Variants in PPP2CB observed in about 807,000 individuals in gnomAD.
PPP2CB encodes protein phosphatase 2 catalytic subunit beta.
Under a neutral mutation model 39.1 loss-of-function variants are expected in PPP2CB, and 18 were observed. The observed-to-expected ratio is 0.46, with a 90% confidence interval of 0.32 to 0.68. The LOEUF is 0.68. PPP2CB is among the 30% of genes least tolerant of loss of function. The probability of loss-of-function intolerance (pLI) is 0.04; values close to 1 mark genes in which losing one functional copy is unlikely to be tolerated. For missense variants in PPP2CB, 226 were observed against 396.9 expected (o/e 0.57, Z 3.66); for synonymous variants, 129 against 133.8 (o/e 0.96, Z 0.25).
At chr8:30,810,653 T>C (rs531210010) in intron 1 of PPP2CB, among the ~76,000 whole-genome samples, 7 of 152,326 alleles carry the variant, frequency 4.6e-5, no homozygotes, top group African/African-American at 1.2e-4. Context: ...AATTACAGGT[T>C]ATCACAATAA....
chr8:30,800,082 T>G (rs1402345404), intron 1 of PPP2CB, among the ~76,000 whole-genome samples: 1 of 152,128 alleles, frequency 6.6e-6, no homozygotes, highest in African/African-American at 2.4e-5. Context: ...AGGTATATAC[T>G]CAAGAGAAAT....
chr8:30,786,726 CG>C (rs1806348435), intron 6 of PPP2CB, among the ~76,000 whole-genome samples: 1 of 147,828 alleles, frequency 6.8e-6, no homozygotes, highest in South Asian at 2.1e-4. Context: ...TGCACTGGCA[CG>C]ATCTCGGCTT....
At chr8:30,802,706 T>C (rs1806647391) in intron 1 of PPP2CB, among the ~76,000 whole-genome samples, 1 of 152,188 alleles carries the variant, frequency 6.6e-6, no homozygotes, top group African/African-American at 2.4e-5. Context: ...AAACCTGGCT[T>C]CTTAAACTTC....
intron 1 of PPP2CB, among the ~76,000 whole-genome samples, chr8:30,808,289 G>T (rs1320500005): frequency 6.6e-6 from 1 of 152,038 alleles, no homozygotes; most frequent in Non-Finnish European, 1.5e-5. Context: ...AGTAGAGATA[G>T]GGTTTTACCA....
chr8:30,810,356 CAGG>C (rs1048574440), intron 1 of PPP2CB: 4 of 152,282 alleles, frequency 2.6e-5, no homozygotes, highest in Non-Finnish European at 5.9e-5. Flanking sequence ...GAGGCTGAGG[CAGG>C]AGGATCCCTC....
At chr8:30,800,925 A>G (rs1032226051) in intron 1 of PPP2CB, among the ~76,000 whole-genome samples, 1 of 152,190 alleles carries the variant, frequency 6.6e-6, no homozygotes, top group Admixed American at 6.5e-5. Context: ...AACACAGGGC[A>G]GCCTGGCGCG....
chr8:30,798,494 T>C (rs904279449), intron 2 of PPP2CB, among the ~76,000 whole-genome samples: 1 of 152,230 alleles, frequency 6.6e-6, no homozygotes, highest in Non-Finnish European at 1.5e-5. Context: ...CTGGGCAGCA[T>C]TTTTGTTAAC....
At chr8:30,811,139 CAATG>C in intron 1 of PPP2CB, among the ~76,000 whole-genome samples, 1 of 152,210 alleles carries the variant, frequency 6.6e-6, no homozygotes, top group East Asian at 1.9e-4. Flanking sequence ...GTTAAGAAAA[CAATG>C]GATACAGAAT....
chr8:30,789,699 C>A lies in PPP2CB; in HGVS notation c.857+1498G>T, dbSNP rs916542262. ...TCAGAGTAACTGAATGTCGTTCAGT[C>A]AATGATGAGAGGTTGTGTTTAAGCC... is the stretch of plus-strand genomic sequence containing the variant. On this transcript the variant is annotated intron_variant, in intron 6 of 6. Transcript: ENST00000221138. Among the ~76,000 whole-genome samples the A allele has an allele frequency of 2.0e-5, 3 of 151,542 alleles. No individual in the cohort carries two copies. In the South Asian group the frequency reaches 6.2e-4, roughly 31 times the overall value.
intron 1 of PPP2CB, among the ~76,000 whole-genome samples, chr8:30,802,851 C>T (rs1744409052): frequency 6.6e-6 from 1 of 152,066 alleles, no homozygotes; most frequent in Non-Finnish European, 1.5e-5. Flanking sequence ...AAGAGAGAAG[C>T]CAAACACACA....
chr8:30,793,870 T>C, intron 5 of PPP2CB, 47 bp downstream of exon 5: 1 of 1,554,582 alleles, frequency 6.4e-7, no homozygotes, highest in South Asian at 1.2e-5. Context: ...ATTACAGAAG[T>C]ATATACTAAT....
chr8:30,806,866 C>G (rs1355941157), intron 1 of PPP2CB, among the ~76,000 whole-genome samples: 1 of 152,118 alleles, frequency 6.6e-6, no homozygotes, highest in Non-Finnish European at 1.5e-5. Flanking sequence ...AGGTAAATAT[C>G]TTATGGCAAG....
At chr8:30,799,424 A>T in intron 2 of PPP2CB, 122 bp downstream of exon 2, 1 of 771,362 alleles carries the variant, frequency 1.3e-6, no homozygotes, top group Non-Finnish European at 2.1e-6. Context: ...ATGTAAAACC[A>T]ATTATTATTT....
chr8:30,803,309 G>A (rs1421117481), intron 1 of PPP2CB, among the ~76,000 whole-genome samples: 1 of 152,018 alleles, frequency 6.6e-6, no homozygotes, highest in African/African-American at 2.4e-5. Context: ...TTTGGAGGCC[G>A]AGGCAGAAGG....
chr8:30,791,996 ATATG>A (rs994694335), intron 5 of PPP2CB, among the ~76,000 whole-genome samples: 4 of 150,668 alleles, frequency 2.7e-5, no homozygotes, highest in Non-Finnish European at 5.9e-5. Context: ...ACGTGTGCAT[ATATG>A]TATACACACA....
intron 1 of PPP2CB, among the ~76,000 whole-genome samples, chr8:30,804,286 T>C (rs1436936769): frequency 6.6e-6 from 1 of 152,198 alleles, no homozygotes; most frequent in Non-Finnish European, 1.5e-5. Context: ...GAATTTGCTA[T>C]GGAATAAAAA....
At chr8:30,790,770 C>T (rs1464678080) in intron 6 of PPP2CB, among the ~76,000 whole-genome samples, 1 of 152,192 alleles carries the variant, frequency 6.6e-6, no homozygotes, top group African/African-American at 2.4e-5. Flanking sequence ...GATATGCTGG[C>T]ATCTGATCTC....
Position 30,794,299 on chromosome 8 carries a change from A to G in PPP2CB, c.487-18T>C. 1 of 1,580,670 alleles carries G rather than the reference A, an allele frequency of 6.3e-7. No homozygotes were observed. The highest frequency in any genetic ancestry group is 2.2e-5 in the East Asian group (1 of 44,710). On this transcript the variant is annotated intron_variant, in intron 3 of 6. Transcript: ENST00000221138. ...CAGAATATCTATGTATGAATTAACA[A>G]AAGAGAATGTATTTGTTTTACTAAC...
chr8:30,786,020 G>C lies in PPP2CB; in HGVS notation c.*215C>G. 1.6e-6 allele frequency: 1 copy of C among 644,704 alleles called. No individual in the cohort carries two copies. The highest frequency in any genetic ancestry group is 2.8e-6 in the Non-Finnish European group (1 of 353,422). The allele number at this position is 644,704 out of a possible 1,614,324, so 39.9% of individuals were successfully genotyped here. On this transcript the variant is annotated 3_prime_UTR_variant, in exon 7 of 7. Coordinates refer to ENST00000221138, the MANE Select transcript of PPP2CB (RefSeq NM_001009552.2). ...AATACAGCAGGCAAACTGTTAGACT[G>C]ACCTAGAACATAGTGTACTAAATTT...
Sources: gnomAD v4.1 joint callset for allele counts (sites outside exome capture counted in the v4.1 genomes callset) on GRCh38, gnomAD v4.1.1 for gene constraint, MANE v1.5 for transcripts, NCBI Gene and HGNC (gene_info 2026-07-23, HGNC 2026-07-21) for gene names.